Variants in SUCLG2 observed in about 807,000 individuals in gnomAD.
SUCLG2 encodes the protein succinate--CoA ligase [GDP-forming] subunit beta, mitochondrial.
In SUCLG2, 42 loss-of-function variants were observed where a neutral mutation model predicts 47.9. The ratio of observed to expected loss-of-function variants is 0.88; its 90% CI spans 0.69 to 1.14. The LOEUF is 1.14. Among genes scored for constraint, SUCLG2 ranks in the 50% most tolerant of loss-of-function variants. The pLI is 0.00. For synonymous variants in SUCLG2, 195 were observed against 197.3 expected, an observed-to-expected ratio of 0.99 and a Z score of 0.10; for missense variants, 571 against 525.9, an observed-to-expected ratio of 1.09 and a Z score of -0.84.
At chr3:67,482,862 G>A (rs563845988) in intron 9 of SUCLG2, among the ~76,000 whole-genome samples, 1 of 152,126 alleles carries the variant, frequency 6.6e-6, no homozygotes, top group Non-Finnish European at 1.5e-5. Flanking sequence ...TGCTGTTTAC[G>A]ATCTTCAGGC....
At chr3:67,405,602 A>G (rs1187040085) in intron 9 of SUCLG2, among the ~76,000 whole-genome samples, 2 of 152,184 alleles carry the variant, frequency 1.3e-5, no homozygotes. Flanking sequence ...GTGGTAACCT[A>G]CAGCATATGC....
intron 10 of SUCLG2, among the ~76,000 whole-genome samples, chr3:67,399,057 A>T (rs1328591825): frequency 1.3e-5 from 2 of 150,422 alleles, no homozygotes; most frequent in African/African-American, 4.9e-5. Flanking sequence ...GCATTAGGAG[A>T]TATACCTAAT....
chr3:67,369,939 C>T (rs945919315), downstream of SUCLG2, among the ~76,000 whole-genome samples: 5 of 152,092 alleles, frequency 3.3e-5, no homozygotes, highest in African/African-American at 1.2e-4. Flanking sequence ...ATAGTAAATA[C>T]TAAATTAATG....
At chr3:67,514,594 G>T (rs1313597352) in intron 6 of SUCLG2, among the ~76,000 whole-genome samples, 1 of 152,138 alleles carries the variant, frequency 6.6e-6, no homozygotes, top group Non-Finnish European at 1.5e-5. Flanking sequence ...TTTCAGAAAT[G>T]AACAGTATAG....
In SUCLG2 at chr3:67,375,493, T is replaced by A; in HGVS notation, c.*251A>T. The A allele has an allele frequency of 8.5e-7, 1 of 1,181,970 alleles. No homozygotes were observed. The highest frequency in any genetic ancestry group is 1.6e-5 in the African/African-American group (1 of 63,388). 73.2% of individuals were successfully genotyped at this position (1,181,970 alleles called of 1,614,324 possible). ...CCACTCCCCAAAGTCTGCAAAACAC[T>A]GCCTACTGGGCAGGCTTACAGTGAC... On this transcript the variant is annotated 3_prime_UTR_variant, in exon 11 of 11. Transcript: ENST00000307227.
chr3:67,608,221 T>TA (rs1479323090), intron 2 of SUCLG2, among the ~76,000 whole-genome samples: 1 of 152,086 alleles, frequency 6.6e-6, no homozygotes, highest in Non-Finnish European at 1.5e-5. Flanking sequence ...CTAAGGGACT[T>TA]AAAGAAGGAT....
chr3:67,510,951 C>T (rs1456743765), intron 6 of SUCLG2, among the ~76,000 whole-genome samples: 7 of 144,988 alleles, frequency 4.8e-5, no homozygotes, highest in East Asian at 4.1e-4. Context: ...AGTGCAATGG[C>T]GCGATCTCAG....
intron 9 of SUCLG2, among the ~76,000 whole-genome samples, chr3:67,475,494 A>T (rs887237980): frequency 1.3e-5 from 2 of 152,188 alleles, no homozygotes; most frequent in African/African-American, 2.4e-5. Context: ...CAGAAATTAA[A>T]CATTTCCAAA....
chr3:67,539,950 T>A (rs923676758), intron 2 of SUCLG2, among the ~76,000 whole-genome samples: 2 of 152,054 alleles, frequency 1.3e-5, no homozygotes, highest in Non-Finnish European at 2.9e-5. Flanking sequence ...TCTTCTCTCT[T>A]TTTTTATTAG....
At chr3:67,550,976 C>CTT (rs1187236717) in intron 2 of SUCLG2, among the ~76,000 whole-genome samples, 1 of 152,194 alleles carries the variant, frequency 6.6e-6, no homozygotes, top group Non-Finnish European at 1.5e-5. Context: ...CTGGCTTATA[C>CTT]TTATACATAT....
At chr3:67,400,949 T>C (rs1035545060) in intron 9 of SUCLG2, 98 bp from the exon 10 acceptor site, 2 of 1,534,010 alleles carry the variant, frequency 1.3e-6, no homozygotes, top group Non-Finnish European at 8.8e-7. Flanking sequence ...ATAAGACTGC[T>C]CGTTTTTTTG....
intron 10 of SUCLG2, among the ~76,000 whole-genome samples, chr3:67,394,012 A>C (rs1227880608): frequency 1.3e-5 from 2 of 152,076 alleles, no homozygotes; most frequent in Admixed American, 1.3e-4. Context: ...CACACCAAAA[A>C]CCCATCTGTA....
At chr3:67,563,195 C>T (rs896768213) in intron 2 of SUCLG2, among the ~76,000 whole-genome samples, 12 of 151,502 alleles carry the variant, frequency 7.9e-5, no homozygotes, top group African/African-American at 2.9e-4. Flanking sequence ...TGGAAAATAC[C>T]TTGGGTACTC....
At chr3:67,648,043 A>C (rs1045618437) in intron 1 of SUCLG2, among the ~76,000 whole-genome samples, 1 of 152,224 alleles carries the variant, frequency 6.6e-6, no homozygotes, top group African/African-American at 2.4e-5. Flanking sequence ...CAAGAGAAAT[A>C]ATCATCCTGG....
At chr3:67,429,494 C>A (rs955306768) in intron 9 of SUCLG2, among the ~76,000 whole-genome samples, 3 of 152,150 alleles carry the variant, frequency 2.0e-5, no homozygotes, top group Non-Finnish European at 2.9e-5. Flanking sequence ...ACTGCAAAAA[C>A]GTGCCAAGTT....
At chr3:67,503,366 C>T (rs192484228) in intron 7 of SUCLG2, among the ~76,000 whole-genome samples, 16 of 152,260 alleles carry the variant, frequency 1.1e-4, no homozygotes, top group Admixed American at 9.8e-4. Flanking sequence ...CCTGTGGCTA[C>T]GCAAAAGGAG....
At chr3:67,402,123 G>C (rs73098399) in intron 9 of SUCLG2, among the ~76,000 whole-genome samples, 1 of 152,132 alleles carries the variant, frequency 6.6e-6, no homozygotes, top group African/African-American at 2.4e-5. Flanking sequence ...CTGGGACCTT[G>C]GTCGAGTTAC....
At chr3:67,494,214 A>T (rs531215659) in intron 9 of SUCLG2, among the ~76,000 whole-genome samples, 3 of 152,326 alleles carry the variant, frequency 2.0e-5, no homozygotes, top group East Asian at 1.9e-4. Flanking sequence ...TTTCTTTTTT[A>T]AAAAATCTGG....
intron 10 of SUCLG2, among the ~76,000 whole-genome samples, chr3:67,368,599 T>C (rs1701907079): frequency 6.6e-6 from 1 of 152,016 alleles, no homozygotes; most frequent in Non-Finnish European, 1.5e-5. Context: ...CTTCATTTTA[T>C]TTATTTATTT....
Sources: gnomAD v4.1 joint callset for allele counts (sites outside exome capture counted in the v4.1 genomes callset) on GRCh38, gnomAD v4.1.1 for gene constraint, MANE v1.5 for transcripts, NCBI Gene and HGNC (gene_info 2026-07-23, HGNC 2026-07-21) for gene names.